The following MYO3A variants were observed in gnomAD, a reference collection of about 807,000 sequenced individuals.
MYO3A encodes the protein myosin-IIIa.
Under a neutral mutation model 192.7 loss-of-function variants are expected in MYO3A, and 180 were observed. The observed-to-expected ratio is 0.93, with a 90% CI of 0.83 to 1.06. The LOEUF is 1.06. MYO3A is among the 50% of genes least tolerant of loss of function. MYO3A has a pLI of 0.00. For missense variants in MYO3A, 1,896 were observed against 1,905.0 expected (o/e 1.00, Z 0.09); for synonymous variants, 628 against 645.3 (o/e 0.97, Z 0.41).
rs199645604 is a variant in MYO3A at position 26,012,328 on chromosome 10, A to G, written c.509-4492A>G. Among the ~76,000 whole-genome samples the G allele has an allele frequency of 5.9e-5, 9 of 152,304 alleles. 1 individual carries two copies. In the East Asian group the frequency reaches 1.3e-3, roughly 23 times the overall value. ...GGCTGTTTGCAAATGATATGATTGT[A>G]TACCTAGAAAATCCTAAAGACTCCT... On this transcript the variant is annotated intron_variant, in intron 6 of 34. Coordinates refer to ENST00000642920, the MANE Select transcript of MYO3A (RefSeq NM_017433.5).
intron 10 of MYO3A, among the ~76,000 whole-genome samples, chr10:26,056,582 C>T (rs1834125746): frequency 6.6e-6 from 1 of 152,156 alleles, no homozygotes; most frequent in African/African-American, 2.4e-5. Flanking sequence ...TGATGATCTG[C>T]TATAAACAGA....
intron 17 of MYO3A, among the ~76,000 whole-genome samples, chr10:26,101,801 C>G (rs1417126428): frequency 6.6e-6 from 1 of 152,158 alleles, no homozygotes; most frequent in Admixed American, 6.5e-5. Context: ...TGTGGGTAAG[C>G]CGACCTTTCT....
At chr10:26,127,846 G>A (rs928669086) in intron 19 of MYO3A, among the ~76,000 whole-genome samples, 3 of 151,034 alleles carry the variant, frequency 2.0e-5, no homozygotes, top group African/African-American at 7.3e-5. Flanking sequence ...AAATCCCTAT[G>A]TATTTGTATT....
chr10:26,034,910 T>G (rs906224063), intron 10 of MYO3A, among the ~76,000 whole-genome samples: 4 of 147,962 alleles, frequency 2.7e-5, no homozygotes, highest in Non-Finnish European at 4.5e-5. Context: ...TGTTTTTGTG[T>G]TTTTTTTACA....
chr10:25,973,107 T>C (rs77240318), intron 4 of MYO3A, among the ~76,000 whole-genome samples: 1,860 of 152,308 alleles, frequency 0.012, 48 homozygotes, highest in African/African-American at 0.04. Context: ...ATTCTTTCCA[T>C]CCATGTGGAC....
At chr10:26,190,741 G>A (rs1843086694) in intron 31 of MYO3A, among the ~76,000 whole-genome samples, 1 of 152,066 alleles carries the variant, frequency 6.6e-6, no homozygotes, top group African/African-American at 2.4e-5. Flanking sequence ...GACAGATAAA[G>A]GACCTTTGGA....
intron 29 of MYO3A, among the ~76,000 whole-genome samples, chr10:26,172,119 T>C (rs1842076204): frequency 6.6e-6 from 1 of 152,198 alleles, no homozygotes; most frequent in Non-Finnish European, 1.5e-5. Context: ...CAAGGGAAGC[T>C]TGTAGAGAGG....
chr10:25,994,230 G>A lies in MYO3A; in HGVS notation c.304-2260G>A, dbSNP rs7921557. On this transcript the variant is annotated intron_variant, in intron 4 of 34. Transcript: ENST00000642920. Reference sequence around the variant, plus strand: ...GGTGCGTATATATTTAGGATAGTTAGCTCTTCTTGTTGAATTGATCCCTTT... The same window carrying A: ...GGTGCGTATATATTTAGGATAGTTAACTCTTCTTGTTGAATTGATCCCTTT... Among the ~76,000 whole-genome samples, 34 of 151,000 alleles carry A rather than the reference G, an allele frequency of 2.3e-4. 1 individual carries two copies. The South Asian group carries it at 7.1e-3, about 31-fold the overall frequency.
intron 26 of MYO3A, among the ~76,000 whole-genome samples, chr10:26,157,907 G>A (rs1330012241): frequency 1.4e-4 from 21 of 152,158 alleles, no homozygotes; most frequent in Non-Finnish European, 3.1e-4. Flanking sequence ...ATCCTGTGTG[G>A]TGTAGGGGCG....
At chr10:26,023,718 T>C (rs551651469) in intron 8 of MYO3A, among the ~76,000 whole-genome samples, 14 of 152,330 alleles carry the variant, frequency 9.2e-5, no homozygotes, top group Middle Eastern at 6.8e-3. Context: ...CTATTGTTTC[T>C]ATTCTGTTAA....
intron 17 of MYO3A, among the ~76,000 whole-genome samples, chr10:26,101,162 G>T (rs1837426792): frequency 6.6e-6 from 1 of 152,062 alleles, no homozygotes; most frequent in African/African-American, 2.4e-5. Flanking sequence ...GGCCTTCTTT[G>T]TCTCTTTTGA....
In MYO3A at chr10:26,125,537, T is replaced by G. The variant is rs766850358; in HGVS notation, c.2043T>G (p.Thr681=). 1.2e-6 allele frequency: 2 copies of G among 1,613,938 alleles called. No individual in the cohort carries two copies. Among genetic ancestry groups the G allele is most frequent in the African/African-American group, 2.7e-5 (2 of 74,926 alleles). Residue 681 remains threonine (T), a synonymous_variant, in exon 19 of 35, where the codon ACT becomes ACG. Transcript: ENST00000642920. ...ATDVRDAMAK[T]LYGRLFSWIV... ...ATGTCAGGGATGCCATGGCTAAAACTTTATATGGACGTCTCTTTAGTTGGA... is the reference window on the plus strand; with the variant it reads ...ATGTCAGGGATGCCATGGCTAAAACGTTATATGGACGTCTCTTTAGTTGGA...
intron 32 of MYO3A, among the ~76,000 whole-genome samples, chr10:26,198,679 G>A (rs1843533498): frequency 6.6e-6 from 1 of 152,102 alleles, no homozygotes; most frequent in South Asian, 2.1e-4. Context: ...CTTTATGTCG[G>A]GTGGGGCTGG....
intron 20 of MYO3A, among the ~76,000 whole-genome samples, chr10:26,137,198 A>G (rs991554262): frequency 5.3e-5 from 8 of 152,238 alleles, no homozygotes; most frequent in Admixed American, 2.0e-4. Context: ...TGAACTAGAA[A>G]TGTAGGTTAT....
At chr10:26,194,388 T>C (rs1298649005) in intron 32 of MYO3A, among the ~76,000 whole-genome samples, 1 of 152,152 alleles carries the variant, frequency 6.6e-6, no homozygotes, top group African/African-American at 2.4e-5. Context: ...CGAGCCATAG[T>C]GAACTGCTTG....
Position 26,087,517 on chromosome 10 carries a change from T to C in MYO3A, c.1360-686T>C, listed in dbSNP as rs141310723. On this transcript the variant is annotated intron_variant, in intron 14 of 34. Transcript: ENST00000642920. ...AATAACTAATACCTCCCTAAACCTC[T>C]GGGGGCAGAGGTTGGAATGCCTTTG... 3.1e-3 allele frequency among the ~76,000 whole-genome samples: 475 copies of C among 152,300 alleles called. 3 individuals carry two copies. The highest frequency in any genetic ancestry group is 9.9e-3 in the African/African-American group (410 of 41,564).
intron 30 of MYO3A, among the ~76,000 whole-genome samples, chr10:26,175,186 T>C (rs1842262791): frequency 1.3e-5 from 2 of 152,236 alleles, no homozygotes; most frequent in African/African-American, 4.8e-5. Flanking sequence ...GGGCTTCTCA[T>C]GGGTATACAT....
chr10:26,055,966 G>A (rs565325280), intron 10 of MYO3A, among the ~76,000 whole-genome samples: 27 of 152,252 alleles, frequency 1.8e-4, no homozygotes, highest in Admixed American at 1.5e-3. Context: ...ATACTAACAG[G>A]CAAAAATCAC....
intron 2 of MYO3A, 107 bp downstream of exon 2, chr10:25,935,937 A>G (rs1418289088): frequency 6.6e-6 from 1 of 152,214 alleles, no homozygotes; most frequent in African/African-American, 2.4e-5. Flanking sequence ...TTTTTATTAC[A>G]TTATAAAAGA....
Sources: gnomAD v4.1 joint callset for allele counts (sites outside exome capture counted in the v4.1 genomes callset) on GRCh38, gnomAD v4.1.1 for gene constraint, MANE v1.5 for transcripts, NCBI Gene and HGNC (gene_info 2026-07-23, HGNC 2026-07-21) for gene names.